Variants in CADPS observed in about 807,000 individuals in gnomAD.
The protein encoded by CADPS is calcium-dependent secretion activator 1.
A neutral mutation model predicts 167.3 loss-of-function variants in CADPS; 57 were observed. That is an observed-to-expected ratio of 0.34 (90% CI 0.28 to 0.42). The LOEUF is 0.42. Ranked by LOEUF, CADPS falls within the 20% of genes least tolerant of loss-of-function variation. The pLI is 1.00. For synonymous variants in CADPS, 676 were observed against 635.3 expected (o/e 1.06, Z -0.96); for missense variants, 1,414 against 1,738.1 (o/e 0.81, Z 3.32).
At chr3:62,865,513 A>C (rs890427288) in intron 1 of CADPS, among the ~76,000 whole-genome samples, 1 of 152,176 alleles carries the variant, frequency 6.6e-6, no homozygotes, top group African/African-American at 2.4e-5. Flanking sequence ...AAAAGACATC[A>C]ATATATTATC....
At chr3:62,530,741 G>T (rs756524648) in intron 13 of CADPS, 5 of 1,288,510 alleles carry the variant, frequency 3.9e-6, no homozygotes, top group Non-Finnish European at 5.1e-6. Context: ...TGGTTCAGGT[G>T]GGGAGGGAGT....
At chr3:62,510,364 T>C (rs2067555112) in intron 17 of CADPS, among the ~76,000 whole-genome samples, 1 of 152,210 alleles carries the variant, frequency 6.6e-6, no homozygotes, top group African/African-American at 2.4e-5. Flanking sequence ...ATCGTTATGA[T>C]GCTCAGAAAA....
At chr3:62,649,577 T>C (rs1453818501) in intron 5 of CADPS, among the ~76,000 whole-genome samples, 1 of 84,982 alleles carries the variant, frequency 1.2e-5, no homozygotes, top group African/African-American at 4.5e-5. Context: ...TTTTTTTTTT[T>C]AAAGACAGGG....
At chr3:62,614,029 G>A (rs1185384936) in intron 6 of CADPS, among the ~76,000 whole-genome samples, 2 of 152,110 alleles carry the variant, frequency 1.3e-5, no homozygotes, top group Non-Finnish European at 2.9e-5. Context: ...ACAGGGGAGG[G>A]CCTGGGAAAA....
chr3:62,866,206 T>C (rs532016907), intron 1 of CADPS, among the ~76,000 whole-genome samples: 54 of 152,190 alleles, frequency 3.5e-4, no homozygotes, highest in African/African-American at 1.2e-3. Context: ...TCAAAGGTAA[T>C]AGATAGCATG....
chr3:62,644,943 G>A (rs1317003514), intron 6 of CADPS, among the ~76,000 whole-genome samples: 1 of 152,116 alleles, frequency 6.6e-6, no homozygotes, highest in Non-Finnish European at 1.5e-5. Context: ...TGTGAGCTGT[G>A]GAGGGCTACA....
intron 24 of CADPS, among the ~76,000 whole-genome samples, chr3:62,468,253 C>G (rs1275168809): frequency 2.0e-5 from 3 of 152,138 alleles, no homozygotes; most frequent in Non-Finnish European, 2.9e-5. Flanking sequence ...GAATCACATG[C>G]TTACTTTTCC....
chr3:62,821,339 A>G (rs927192546), intron 1 of CADPS, among the ~76,000 whole-genome samples: 1 of 152,116 alleles, frequency 6.6e-6, no homozygotes, highest in Non-Finnish European at 1.5e-5. Flanking sequence ...TTAACAAAAT[A>G]TCACAAACTG....
chr3:62,443,611 A>G (rs1014943935), intron 27 of CADPS, among the ~76,000 whole-genome samples: 1 of 152,098 alleles, frequency 6.6e-6, no homozygotes, highest in African/African-American at 2.4e-5. Flanking sequence ...GTGAGTTCTC[A>G]GGAGATGTCA....
chr3:62,766,216 A>G (rs2086821194), intron 1 of CADPS, among the ~76,000 whole-genome samples: 1 of 152,206 alleles, frequency 6.6e-6, no homozygotes, highest in African/African-American at 2.4e-5. Context: ...TACACTTTTA[A>G]TACTTAAAAT....
intron 3 of CADPS, among the ~76,000 whole-genome samples, chr3:62,717,044 C>T (rs1350980301): frequency 1.3e-5 from 2 of 152,160 alleles, no homozygotes; most frequent in Non-Finnish European, 2.9e-5. Context: ...CTGTCAGCAA[C>T]AGCCACAGAA....
chr3:62,794,214 A>C (rs1387085408), intron 1 of CADPS, among the ~76,000 whole-genome samples: 1 of 152,208 alleles, frequency 6.6e-6, no homozygotes, highest in Non-Finnish European at 1.5e-5. Flanking sequence ...CATGATATAA[A>C]GCCTCTGAAG....
chr3:62,460,707 C>T (rs938274290), intron 26 of CADPS, among the ~76,000 whole-genome samples: 1 of 152,208 alleles, frequency 6.6e-6, no homozygotes, highest in African/African-American at 2.4e-5. Flanking sequence ...ACAAACGTCT[C>T]GCAAATTCTA....
chr3:62,595,599 G>A (rs1348945091), intron 6 of CADPS, among the ~76,000 whole-genome samples: 2 of 152,194 alleles, frequency 1.3e-5, no homozygotes, highest in African/African-American at 4.8e-5. Context: ...GTAAGGAGAT[G>A]TATTCTAGTA....
At chr3:62,516,947 T>A (rs561922087) in intron 14 of CADPS, among the ~76,000 whole-genome samples, 1 of 152,260 alleles carries the variant, frequency 6.6e-6, no homozygotes, top group East Asian at 1.9e-4. Context: ...TTAGCTCAAA[T>A]GTGACCTTAT....
intron 6 of CADPS, among the ~76,000 whole-genome samples, chr3:62,605,306 G>A (rs2060554052): frequency 6.6e-6 from 1 of 151,958 alleles, no homozygotes; most frequent in South Asian, 2.1e-4. Flanking sequence ...AAGAAGTCCT[G>A]AAGACAACTT....
At chr3:62,431,441 A>T (rs1013811415) in intron 28 of CADPS, among the ~76,000 whole-genome samples, 1 of 151,800 alleles carries the variant, frequency 6.6e-6, no homozygotes, top group African/African-American at 2.4e-5. Flanking sequence ...TTTTCCTTAC[A>T]TACAGAGAAC....
chr3:62,457,755 A>G (rs1448234005), intron 26 of CADPS, among the ~76,000 whole-genome samples: 1 of 152,236 alleles, frequency 6.6e-6, no homozygotes, highest in Non-Finnish European at 1.5e-5. Flanking sequence ...CTACACAGCC[A>G]TAAAAAAGGA....
chr3:62,506,205 T>C (rs2066653037), intron 17 of CADPS, among the ~76,000 whole-genome samples: 1 of 152,016 alleles, frequency 6.6e-6, no homozygotes, highest in African/African-American at 2.4e-5. Flanking sequence ...CTGGCCAACA[T>C]GGTGAAACCT....
Sources: allele counts gnomAD v4.1 joint callset (sites outside exome capture counted in the v4.1 genomes callset), GRCh38; gene constraint gnomAD v4.1.1; transcripts MANE v1.5; gene names NCBI Gene and HGNC (gene_info 2026-07-23, HGNC 2026-07-21).